ITPKB: variants seen among roughly 807,000 people sequenced by gnomAD.
The protein encoded by ITPKB is IP3 3-kinase B.
In ITPKB, 13 loss-of-function variants were observed where a neutral mutation model predicts 69.4. The ratio of observed to expected loss-of-function variants is 0.19; its 90% confidence interval spans 0.12 to 0.30. The LOEUF is 0.30. ITPKB is among the 10% of genes least tolerant of loss of function. The pLI is 1.00. For missense variants in ITPKB, 1,240 were observed against 1,250.5 expected, an observed-to-expected ratio of 0.99 and a Z score of 0.13; for synonymous variants, 584 against 513.7, an observed-to-expected ratio of 1.14 and a Z score of -1.85.
At chr1:226,725,346 C>T (rs561045617) in intron 2 of ITPKB, among the ~76,000 whole-genome samples, 3 of 151,762 alleles carry the variant, frequency 2.0e-5, no homozygotes, top group South Asian at 2.1e-4. Flanking sequence ...TCAAAGTGGG[C>T]AGCCACCCGA....
At chr1:226,672,156 A>AT (rs1366136670) in intron 2 of ITPKB, among the ~76,000 whole-genome samples, 1 of 152,118 alleles carries the variant, frequency 6.6e-6, no homozygotes, top group African/African-American at 2.4e-5. Context: ...AGAAATAAAA[A>AT]TTTTTTATCT....
At chr1:226,733,769 C>G (rs1376657818) in intron 2 of ITPKB, among the ~76,000 whole-genome samples, 1 of 152,174 alleles carries the variant, frequency 6.6e-6, no homozygotes, top group African/African-American at 2.4e-5. Flanking sequence ...CCACTTAACC[C>G]TCTGGTTTCT....
At chr1:226,657,968 T>A (rs1669328194) in intron 2 of ITPKB, among the ~76,000 whole-genome samples, 1 of 152,162 alleles carries the variant, frequency 6.6e-6, no homozygotes, top group Non-Finnish European at 1.5e-5. Flanking sequence ...CCAAGTCTGT[T>A]CCCAGAACGT....
At chr1:226,675,850 C>G (rs1669720106) in intron 2 of ITPKB, among the ~76,000 whole-genome samples, 1 of 152,228 alleles carries the variant, frequency 6.6e-6, no homozygotes, top group Non-Finnish European at 1.5e-5. Flanking sequence ...CAAACGCATC[C>G]TCTCGGCTAC....
chr1:226,709,691 G>T (rs1048484816), intron 2 of ITPKB, among the ~76,000 whole-genome samples: 1 of 152,170 alleles, frequency 6.6e-6, no homozygotes, highest in African/African-American at 2.4e-5. Context: ...GACCAACGGT[G>T]AGAAGCGGCA....
intron 2 of ITPKB, among the ~76,000 whole-genome samples, chr1:226,667,117 C>A (rs1262429236): frequency 6.6e-6 from 1 of 152,160 alleles, no homozygotes; most frequent in East Asian, 1.9e-4. Flanking sequence ...CTCAAAAAGG[C>A]TAATCGCTTC....
At position 226,636,750 on chromosome 1, in the gene ITPKB, CTCTG is replaced by C. The variant is rs1419847737; in HGVS notation, c.2625+925_2625+928del. ...GGATTAGCCAGCCCCAGGACTGCAG[CTCTG>C]TGTGTGTGTGTGTGTGTGTGTGTGT... On this transcript the variant is annotated intron_variant, in intron 7 of 7. Coordinates refer to ENST00000429204, the MANE Select transcript of ITPKB (RefSeq NM_002221.4). Among the ~76,000 whole-genome samples, 3 of 121,256 alleles carry C rather than the reference CTCTG, an allele frequency of 2.5e-5. No individual in the cohort carries two copies. The Admixed American group carries it at 2.6e-4, about 11-fold the overall frequency. 79.5% of individuals were successfully genotyped at this position (121,256 alleles called of 152,430 possible).
At chr1:226,645,888 T>C (rs1300600251) in intron 4 of ITPKB, among the ~76,000 whole-genome samples, 2 of 152,184 alleles carry the variant, frequency 1.3e-5, no homozygotes, top group Non-Finnish European at 2.9e-5. Context: ...TCCCCCATTC[T>C]TTCCCTGTGA....
intron 6 of ITPKB, among the ~76,000 whole-genome samples, chr1:226,638,615 G>C (rs571800974): frequency 1.3e-5 from 2 of 152,198 alleles, no homozygotes; most frequent in Admixed American, 1.3e-4. Flanking sequence ...GGTCCCTGTG[G>C]GCAGAGCATC....
Position 226,709,986 on chromosome 1 carries a change from A to G in ITPKB, c.1932+25541T>C, listed in dbSNP as rs867137178. Among the ~76,000 whole-genome samples the G allele has an allele frequency of 3.3e-5, 5 of 152,178 alleles. No homozygotes were observed. In the Middle Eastern group the frequency reaches 0.017, roughly 518 times the overall value. ...CTGGGGCCAGCACTAGCTCATAACT[A>G]CCTGGGAAGAAATCACTCCCTAATG... On this transcript the variant is annotated intron_variant, in intron 2 of 7. Transcript: ENST00000429204.
chr1:226,737,899 C>A (rs1319829042), intron 1 of ITPKB, among the ~76,000 whole-genome samples: 1 of 152,178 alleles, frequency 6.6e-6, no homozygotes, highest in African/African-American at 2.4e-5. Context: ...GGCTGCGATG[C>A]GCTTTATGAG....
At chr1:226,635,017 C>T in intron 7 of ITPKB, 131 bp from the exon 8 acceptor site, 1 of 662,420 alleles carries the variant, frequency 1.5e-6, no homozygotes, top group Non-Finnish European at 2.6e-6. Context: ...AATTCCAATC[C>T]CCATTTTCAG....
intron 2 of ITPKB, 138 bp downstream of exon 2, chr1:226,735,389 T>A (rs751680225): frequency 9.7e-5 from 92 of 950,068 alleles, no homozygotes; most frequent in Non-Finnish European, 1.3e-4. Context: ...CTGGACAGAA[T>A]TATTCACTGT....
intron 2 of ITPKB, among the ~76,000 whole-genome samples, chr1:226,718,570 A>T (rs763536851): frequency 1.3e-5 from 2 of 152,130 alleles, no homozygotes; most frequent in Non-Finnish European, 2.9e-5. Context: ...CCTGCACCCC[A>T]ACCCGGGCAA....
At position 226,636,752 on chromosome 1, in the gene ITPKB, C is replaced by CTGTGTGTGTGTGTGTGTG. The variant is rs3831353; in HGVS notation, c.2625+909_2625+926dup. 4.3e-5 allele frequency among the ~76,000 whole-genome samples: 6 copies of CTGTGTGTGTGTGTGTGTG among 140,092 alleles called. No homozygotes were observed. In the South Asian group the frequency reaches 7.0e-4, roughly 16 times the overall value. The allele number at this position is 140,092 out of a possible 152,430, so 91.9% of individuals were successfully genotyped here. A position where few individuals can be genotyped will look rare whatever the true frequency, so the allele number is the denominator to read the frequency against. On this transcript the variant is annotated intron_variant, in intron 7 of 7. Transcript: ENST00000429204. ...ATTAGCCAGCCCCAGGACTGCAGCT[C>CTGTGTGTGTGTGTGTGTG]TGTGTGTGTGTGTGTGTGTGTGTGT...
Position 226,735,613 on chromosome 1 carries a change from C to T in ITPKB, c.1846G>A (p.Glu616Lys). ...TCAGGGTCACTGGAGATGTCCTCCTCTGAGTCTTCGTAGGATGAGGAGAAG... is the reference window on the plus strand; with the variant it reads ...TCAGGGTCACTGGAGATGTCCTCCTTTGAGTCTTCGTAGGATGAGGAGAAG... ...TGFSSSYEDS[E>K]EDISSDPERT... Residue 616 changes from glutamate (E) to lysine (K), a missense_variant, in exon 2 of 8, where the codon GAG becomes AAG. Physicochemically the swap from Glu to Lys is moderately conservative, Grantham distance 56 (BLOSUM62 1). Transcript: ENST00000429204. 1.9e-6 allele frequency: 3 copies of T among 1,608,942 alleles called. No homozygotes were observed. Among genetic ancestry groups the T allele is most frequent in the Non-Finnish European group, 2.5e-6 (3 of 1,177,308 alleles).
rs185333121 is a variant in ITPKB at position 226,734,680 on chromosome 1, T to C, written c.1932+847A>G. 2.6e-5 allele frequency among the ~76,000 whole-genome samples: 4 copies of C among 152,326 alleles called. No homozygotes were observed. In the East Asian group the frequency reaches 7.7e-4, roughly 29 times the overall value. On this transcript the variant is annotated intron_variant, in intron 2 of 7. Coordinates refer to ENST00000429204, the MANE Select transcript of ITPKB (RefSeq NM_002221.4). Reference sequence around the variant, plus strand: ...GAGTAAAAGCAGCCTACAAGTTCGATTAACCATGTAATAGAAATAAACTCC... The same window carrying C: ...GAGTAAAAGCAGCCTACAAGTTCGACTAACCATGTAATAGAAATAAACTCC...
intron 2 of ITPKB, chr1:226,676,380 G>C (rs762797064): frequency 1.3e-5 from 2 of 152,094 alleles, no homozygotes; most frequent in African/African-American, 4.8e-5. Flanking sequence ...AGGGATCCTG[G>C]GTCCCAGGAA....
intron 2 of ITPKB, among the ~76,000 whole-genome samples, chr1:226,702,239 A>G (rs1213100685): frequency 1.3e-5 from 2 of 152,130 alleles, no homozygotes; most frequent in African/African-American, 2.4e-5. Context: ...CTACTAAAAA[A>G]TACAAAAATT....
Sources: allele counts gnomAD v4.1 joint callset (sites outside exome capture counted in the v4.1 genomes callset), GRCh38; gene constraint gnomAD v4.1.1; transcripts MANE v1.5; gene names NCBI Gene and HGNC (gene_info 2026-07-23, HGNC 2026-07-21).